Variants in PSG5 observed in about 807,000 individuals in gnomAD.
The protein encoded by PSG5 is pregnancy specific beta-1-glycoprotein 5, also known as pregnancy-specific beta-1-glycoprotein 5.
In PSG5, 53 loss-of-function variants were observed where a neutral mutation model predicts 37.7. That is an observed-to-expected ratio of 1.41 (90% CI 1.13 to 1.77). The LOEUF (loss-of-function observed/expected upper bound fraction) is 1.77. PSG5 is among the 40% of genes most tolerant of loss of function. The pLI is 0.00. For synonymous variants in PSG5, 221 were observed against 155.4 expected, an observed-to-expected ratio of 1.42 and a Z score of -3.14; for missense variants, 547 against 405.2, an observed-to-expected ratio of 1.35 and a Z score of -3.00.
At chr19:43,175,739 G>C in intron 3 of PSG5, 131 bp downstream of exon 3, 1 of 1,522,260 alleles carries the variant, frequency 6.6e-7, no homozygotes, top group East Asian at 2.3e-5. Flanking sequence ...AGGGCAGGGA[G>C]TCATGGCCAG....
At chr19:43,182,566 C>T (rs1051694925) in intron 2 of PSG5, among the ~76,000 whole-genome samples, 14 of 151,270 alleles carry the variant, frequency 9.3e-5, no homozygotes, top group African/African-American at 2.9e-4. Context: ...TAGTCCTGTG[C>T]CCCTGAAACT....
Position 43,176,158 on chromosome 19 carries a change from T to A in PSG5, c.431-10A>T. 1 of 1,610,798 alleles carries A rather than the reference T, an allele frequency of 6.2e-7. No individual in the cohort carries two copies. The highest frequency in any genetic ancestry group is 8.5e-7 in the Non-Finnish European group (1 of 1,178,738). ...GGCTTGGGCAGCTTCACTGTGTGGATAACAGAGAGAAGATTGTCCTGTGTG... is the reference window on the plus strand; with the variant it reads ...GGCTTGGGCAGCTTCACTGTGTGGAAAACAGAGAGAAGATTGTCCTGTGTG... On this transcript the variant is annotated splice_polypyrimidine_tract_variant and intron_variant, in intron 2 of 5. Transcript: ENST00000342951.
At chr19:43,171,612 T>C (rs1968906468) in intron 4 of PSG5, 5 of 517,126 alleles carry the variant, frequency 9.7e-6, no homozygotes. Context: ...ATCAACAAAA[T>C]TGACAACCAT....
intron 1 of PSG5, among the ~76,000 whole-genome samples, chr19:43,185,807 A>T (rs1402016918): frequency 1.4e-5 from 2 of 147,038 alleles, no homozygotes; most frequent in Non-Finnish European, 1.5e-5. Context: ...TACTTTTATT[A>T]GAAGTGTCAT....
chr19:43,175,490 C>T (rs778740253), intron 3 of PSG5, 21 bp from the exon 4 acceptor site: 5 of 1,591,392 alleles, frequency 3.1e-6, no homozygotes, highest in Non-Finnish European at 4.3e-6. Context: ...GAGAATGAAG[C>T]CACAGGTGAT....
rs1289616448 is a variant in PSG5, at chr19:43,184,944, T to C, written c.268A>G (p.Ile90Val). Residue 90 changes from isoleucine to valine, a missense_variant, in exon 2 of 6, where the codon ATA becomes GTA. By Grantham distance (29) the Ile-to-Val change is conservative (BLOSUM62 3). Coordinates refer to ENST00000342951, the MANE Select transcript of PSG5 (RefSeq NM_002781.4). ...CGTCCAGTGTATGCAGGCCCATATA[T>C]ATTTATTTGACCGTCTACTACATAT... is the stretch of plus-strand genomic sequence containing the variant. The part of the protein sequence containing the change: ...TSYVVDGQIN[I>V]YGPAYTGRET... The C allele has an allele frequency of 1.2e-6, 2 of 1,612,316 alleles. No individual in the cohort carries two copies. Among genetic ancestry groups the C allele is most frequent in the Admixed American group, 1.7e-5 (1 of 59,848 alleles).
intron 4 of PSG5, chr19:43,174,848 G>A (rs1163685711): frequency 1.9e-5 from 22 of 1,158,974 alleles, no homozygotes; most frequent in Non-Finnish European, 2.3e-5. Flanking sequence ...TGTAGCTCAT[G>A]GAATAGGTAC....
intron 2 of PSG5, among the ~76,000 whole-genome samples, chr19:43,177,801 G>C (rs1969042924): frequency 6.6e-6 from 1 of 151,500 alleles, no homozygotes; most frequent in African/African-American, 2.4e-5. Flanking sequence ...TCTGCAACTT[G>C]CTTTGGGTAG....
chr19:43,183,111 G>A (rs538541215), intron 2 of PSG5, among the ~76,000 whole-genome samples: 1 of 150,570 alleles, frequency 6.6e-6, no homozygotes, highest in South Asian at 2.1e-4. Context: ...AGAAGCAGAG[G>A]CAGAGACACC....
chr19:43,179,168 A>G, intron 2 of PSG5: 1 of 1,582,586 alleles, frequency 6.3e-7, no homozygotes, highest in Non-Finnish European at 8.7e-7. Flanking sequence ...CTTTGCAGAA[A>G]ACAGAGAGAA....
chr19:43,170,400 G>A (rs1158410370), intron 4 of PSG5: 1 of 472,304 alleles, frequency 2.1e-6, no homozygotes. Flanking sequence ...CATAAGAAAG[G>A]CTGATTGCTA....
intron 2 of PSG5, among the ~76,000 whole-genome samples, chr19:43,179,458 C>G (rs1016284616): frequency 1.3e-5 from 2 of 151,634 alleles, no homozygotes; most frequent in South Asian, 2.1e-4. Context: ...GTTCCTCCGA[C>G]TAAAACTGCC....
At chr19:43,170,361 G>T in intron 4 of PSG5, 1 of 611,466 alleles carries the variant, frequency 1.6e-6, no homozygotes, top group East Asian at 5.7e-5. Flanking sequence ...AATCTCTACT[G>T]CACTCAGATA....
At chr19:43,178,765 T>A (rs1969064381) in intron 2 of PSG5, 2 of 1,604,950 alleles carry the variant, frequency 1.2e-6, no homozygotes, top group Non-Finnish European at 1.7e-6. Context: ...CCAGCTTTGA[T>A]GTCCAGGGGT....
chr19:43,168,862 G>GTATA (rs887121845), intron 5 of PSG5, among the ~76,000 whole-genome samples: 1 of 151,450 alleles, frequency 6.6e-6, no homozygotes. Context: ...GGCCAAAAAT[G>GTATA]TATAGTCTTA....
chr19:43,183,192 C>T (rs1183042639), intron 2 of PSG5: 10 of 327,282 alleles, frequency 3.1e-5, no homozygotes, highest in Non-Finnish European at 5.4e-5. Flanking sequence ...GTTCCACAGT[C>T]CAGGACAAAG....
At chr19:43,169,762 T>C (rs1482185341) in intron 5 of PSG5, among the ~76,000 whole-genome samples, 2 of 151,586 alleles carry the variant, frequency 1.3e-5, no homozygotes, top group Non-Finnish European at 2.9e-5. Flanking sequence ...ATTACACTAT[T>C]GAGAGATGTT....
chr19:43,184,807 A>T lies in PSG5; in HGVS notation c.405T>A (p.Thr135=), dbSNP rs148888302. 5 of 1,612,362 alleles carry T rather than the reference A, an allele frequency of 3.1e-6. 1 individual carries two copies. In the African/African-American group the frequency reaches 5.4e-5, roughly 17 times the overall value. ...IKRGDRTRGV[T]GYFTFNLYLK... ...GGTATAAGTTGAAGGTGAAATATCC[A>T]GTTACTCCTCTAGTCCTATCACCTC... Residue 135 remains threonine, a synonymous_variant, in exon 2 of 6, where the codon ACT becomes ACA. Transcript: ENST00000342951.
intron 4 of PSG5, chr19:43,174,730 G>A (rs2122212049): frequency 1.9e-6 from 2 of 1,053,964 alleles, no homozygotes; most frequent in African/African-American, 1.7e-5. Flanking sequence ...AGAGAAGCAT[G>A]GAGCAGAGCA....
Sources: allele counts gnomAD v4.1 joint callset (sites outside exome capture counted in the v4.1 genomes callset), GRCh38; gene constraint gnomAD v4.1.1; transcripts MANE v1.5; gene names NCBI Gene and HGNC (gene_info 2026-07-23, HGNC 2026-07-21).